NR2C2: variants seen among roughly 807,000 people sequenced by gnomAD.
NR2C2 encodes the protein Nuclear hormone receptor TR4.
A neutral mutation model predicts 62.9 loss-of-function variants in NR2C2; 6 were observed. The ratio of observed to expected loss-of-function variants is 0.10; its 90% confidence interval spans 0.05 to 0.19. NR2C2 has a LOEUF of 0.19. Among genes scored for constraint, NR2C2 ranks in the 10% least tolerant of loss-of-function variants. The pLI, the probability that NR2C2 is intolerant of heterozygous loss-of-function variation, is 1.00. For synonymous variants in NR2C2, 272 were observed against 273.8 expected, an observed-to-expected ratio of 0.99 and a Z score of 0.07; for missense variants, 479 against 762.7, an observed-to-expected ratio of 0.63 and a Z score of 4.38.
chr3:14,994,288 C>A (rs1258723205), intron 1 of NR2C2, among the ~76,000 whole-genome samples: 1 of 151,968 alleles, frequency 6.6e-6, no homozygotes, highest in Non-Finnish European at 1.5e-5. Flanking sequence ...ATACTCACCA[C>A]CCAAGTTAAG....
In NR2C2 at chr3:15,013,666, G is replaced by C; in HGVS notation, c.150G>C (p.Gln50His). Residue 50 changes from glutamine (Q) to histidine (H), a missense_variant, in exon 3 of 14, where the codon CAG becomes CAC. Transcript: ENST00000425241. Reference sequence around the variant, plus strand: ...ACGCCTCCGGATCCCCCAAACAGCAGTTCATCCTGACCAGCCCAGATGGAG... The same window carrying C: ...ACGCCTCCGGATCCCCCAAACAGCACTTCATCCTGACCAGCCCAGATGGAG... ...AVDASGSPKQ[Q>H]FILTSPDGAG... 2 of 1,614,188 alleles carry C rather than the reference G, an allele frequency of 1.2e-6. No homozygotes were observed. The highest frequency in any genetic ancestry group is 1.7e-6 in the Non-Finnish European group (2 of 1,180,038).
At chr3:14,980,106 TA>T (rs1207899634) in intron 1 of NR2C2, among the ~76,000 whole-genome samples, 1 of 152,072 alleles carries the variant, frequency 6.6e-6, no homozygotes. Context: ...CTTGGTTTTA[TA>T]CCTCATGGGC....
chr3:14,977,416 A>G (rs2040238077), intron 1 of NR2C2, among the ~76,000 whole-genome samples: 1 of 151,872 alleles, frequency 6.6e-6, no homozygotes, highest in African/African-American at 2.4e-5. Flanking sequence ...CTTCAATTTT[A>G]TTTTCATTTT....
rs1042239518 is a variant in NR2C2 at position 15,045,822 on chromosome 3, G to A, written c.*2814G>A. The A allele has an allele frequency of 2.6e-5, 4 of 152,398 alleles. No individual in the cohort carries two copies. Among genetic ancestry groups the A allele is most frequent in the African/African-American group, 7.2e-5 (3 of 41,452 alleles). 9.4% of individuals were successfully genotyped at this position (152,398 alleles called of 1,614,324 possible). On this transcript the variant is annotated 3_prime_UTR_variant, in exon 14 of 14. Coordinates refer to ENST00000425241, the MANE Select transcript of NR2C2 (RefSeq NM_001291694.2). ...TGGCTACTGAACTCCATGGAGCCAC[G>A]TTCATGCTCCCTCTTCTACTGGCCT...
chr3:15,035,982 C>G (rs7629207), intron 11 of NR2C2, among the ~76,000 whole-genome samples: 1,664 of 151,160 alleles, frequency 0.011, 26 homozygotes, highest in African/African-American at 0.037. Flanking sequence ...GAGCCGAGAT[C>G]ACGCCACTGC....
In NR2C2 at chr3:15,042,835, T is replaced by C. The variant is rs749863880; in HGVS notation, c.1618T>C (p.Leu540=). Residue 540 remains leucine, a splice_region_variant and synonymous_variant, in exon 14 of 14, where the codon TTG becomes CTG. Transcript: ENST00000425241. ...QKTYSEDTYR[L]ARILVRLPAL... is the part of the protein sequence containing the mutation. ...TTCTAATGACACTCCCTTTTATAGA[T>C]TGGCCCGGATCCTCGTTCGCCTGCC... 1.2e-6 allele frequency: 2 copies of C among 1,613,486 alleles called. No individual in the cohort carries two copies. The highest frequency in any genetic ancestry group is 2.7e-5 in the African/African-American group (2 of 74,920).
At chr3:14,986,320 TTAAG>T (rs765861455) in intron 1 of NR2C2, among the ~76,000 whole-genome samples, 4 of 152,306 alleles carry the variant, frequency 2.6e-5, no homozygotes, top group South Asian at 4.1e-4. Context: ...CACATACTTC[TTAAG>T]TAAGTACATA....
chr3:15,038,457 C>T (rs548924602), intron 12 of NR2C2: 4 of 210,136 alleles, frequency 1.9e-5, no homozygotes, highest in African/African-American at 4.6e-5. Flanking sequence ...CTTTTTTTTC[C>T]GGCCCTTTGC....
chr3:14,980,694 G>A (rs1025216214), intron 1 of NR2C2, among the ~76,000 whole-genome samples: 2 of 152,290 alleles, frequency 1.3e-5, no homozygotes, highest in African/African-American at 2.4e-5. Context: ...AGTAAATACA[G>A]GATTTCATCT....
intron 1 of NR2C2, among the ~76,000 whole-genome samples, chr3:14,972,944 C>A (rs2040089294): frequency 6.6e-6 from 1 of 152,134 alleles, no homozygotes; most frequent in African/African-American, 2.4e-5. Flanking sequence ...GCACTCCATC[C>A]CCATGATCCG....
intron 13 of NR2C2, among the ~76,000 whole-genome samples, chr3:15,040,223 G>T (rs1457073483): frequency 6.6e-6 from 1 of 151,988 alleles, no homozygotes; most frequent in East Asian, 1.9e-4. Context: ...CAGGAAAATT[G>T]TTCAGATCTG....
rs1164959004 is a variant in NR2C2, at chr3:15,045,766, CTT to C, written c.*2760_*2761del. 6.6e-6 allele frequency: 1 copy of C among 152,648 alleles called. No individual in the cohort carries two copies. The highest frequency in any genetic ancestry group is 1.5e-5 in the Non-Finnish European group (1 of 68,044). The allele number at this position is 152,648 out of a possible 1,614,324, so 9.5% of individuals were successfully genotyped here. ...TAGCCCTTATTAGCAGTTTGTGAAACTTTGGGTTTCATGAAGTGAGACCTGTC... is the reference window on the plus strand; with the variant it reads ...TAGCCCTTATTAGCAGTTTGTGAAACTGGGTTTCATGAAGTGAGACCTGTC... On this transcript the variant is annotated 3_prime_UTR_variant, in exon 14 of 14. Transcript: ENST00000425241.
At chr3:14,965,044 C>T (rs1426752898) in intron 1 of NR2C2, among the ~76,000 whole-genome samples, 2 of 152,102 alleles carry the variant, frequency 1.3e-5, no homozygotes, top group African/African-American at 4.8e-5. Context: ...ACATCGTTGG[C>T]ATGTGGTGGG....
chr3:15,009,493 A>G (rs1418548887), intron 2 of NR2C2, among the ~76,000 whole-genome samples: 1 of 152,218 alleles, frequency 6.6e-6, no homozygotes, highest in Admixed American at 6.5e-5. Flanking sequence ...CATATCAATC[A>G]TGTTCAAACA....
intron 1 of NR2C2, among the ~76,000 whole-genome samples, chr3:14,971,064 G>A (rs186519268): frequency 2.0e-5 from 3 of 152,332 alleles, no homozygotes; most frequent in Admixed American, 2.0e-4. Flanking sequence ...GAGCATGTAA[G>A]ATAGATTCGG....
chr3:15,013,748 A>G lies in NR2C2; in HGVS notation c.232A>G (p.Ile78Val), dbSNP rs985320397. ...AGAGACATCCAGCGCCAAGCAACTCATATTCACCACCTCAGACAACCTCGT... is the reference window on the plus strand; with the variant it reads ...AGAGACATCCAGCGCCAAGCAACTCGTATTCACCACCTCAGACAACCTCGT... ...SPETSSAKQL[I>V]FTTSDNLVPG... Residue 78 changes from isoleucine (I) to valine (V), a missense_variant, in exon 3 of 14, where the codon ATA becomes GTA. Coordinates refer to ENST00000425241, the MANE Select transcript of NR2C2 (RefSeq NM_001291694.2). 6.2e-7 allele frequency: 1 copy of G among 1,613,778 alleles called. No homozygotes were observed. The highest frequency in any genetic ancestry group is 8.5e-7 in the Non-Finnish European group (1 of 1,179,660).
At chr3:14,983,683 C>T (rs1374006556) in intron 1 of NR2C2, among the ~76,000 whole-genome samples, 3 of 152,072 alleles carry the variant, frequency 2.0e-5, no homozygotes, top group Admixed American at 6.5e-5. Context: ...TTATAGAACA[C>T]ACCAGTAAAA....
chr3:14,971,934 G>A (rs1280727325), intron 1 of NR2C2, among the ~76,000 whole-genome samples: 4 of 150,100 alleles, frequency 2.7e-5, no homozygotes, highest in Admixed American at 2.0e-4. Context: ...TCAGCCTCCC[G>A]AGTAGCTGGG....
At chr3:14,969,335 T>G (rs1333402817) in intron 1 of NR2C2, among the ~76,000 whole-genome samples, 1 of 150,464 alleles carries the variant, frequency 6.6e-6, no homozygotes, top group Non-Finnish European at 1.5e-5. Context: ...AACAACCACT[T>G]CCGTTCAAGC....
Sources: allele counts gnomAD v4.1 joint callset (sites outside exome capture counted in the v4.1 genomes callset), GRCh38; gene constraint gnomAD v4.1.1; transcripts MANE v1.5; gene names NCBI Gene and HGNC (gene_info 2026-07-23, HGNC 2026-07-21).